LIMD1: variants seen among roughly 807,000 people sequenced by gnomAD.
LIMD1 encodes the protein LIM domain-containing protein 1.
LIMD1 carries 23 observed loss-of-function variants against 58.4 expected under a neutral mutation model. The ratio of observed to expected loss-of-function variants is 0.39; its 90% CI spans 0.28 to 0.56. The LOEUF is 0.56. LIMD1 is among the 20% of genes least tolerant of loss of function. The probability of loss-of-function intolerance (pLI) is 0.57; values close to 1 mark genes in which losing one functional copy is unlikely to be tolerated. For missense variants in LIMD1, 838 were observed against 855.5 expected, an observed-to-expected ratio of 0.98 and a Z score of 0.25; for synonymous variants, 334 against 345.5, an observed-to-expected ratio of 0.97 and a Z score of 0.37.
chr3:45,659,109 C>T (rs1480525546), intron 2 of LIMD1, among the ~76,000 whole-genome samples: 1 of 152,130 alleles, frequency 6.6e-6, no homozygotes, highest in Non-Finnish European at 1.5e-5. Flanking sequence ...CTAATACCAT[C>T]TGTCACTGTA....
At chr3:45,644,562 A>C (rs1173778143) in intron 2 of LIMD1, among the ~76,000 whole-genome samples, 1 of 152,090 alleles carries the variant, frequency 6.6e-6, no homozygotes, top group African/African-American at 2.4e-5. Flanking sequence ...AGGGAGTTCA[A>C]CGTTCATTAT....
intron 1 of LIMD1, among the ~76,000 whole-genome samples, chr3:45,619,054 C>G (rs960874441): frequency 2.6e-5 from 4 of 152,196 alleles, no homozygotes; most frequent in African/African-American, 9.7e-5. Context: ...AAAAACTATA[C>G]TCTCTAGAAA....
chr3:45,600,214 A>G (rs943241831), intron 1 of LIMD1, among the ~76,000 whole-genome samples: 5 of 152,182 alleles, frequency 3.3e-5, no homozygotes, highest in Non-Finnish European at 5.9e-5. Context: ...ACAACTCCCC[A>G]TGAGAGGTGA....
chr3:45,646,029 CAAA>C (rs35353411), intron 2 of LIMD1, among the ~76,000 whole-genome samples: 3 of 96,836 alleles, frequency 3.1e-5, no homozygotes, highest in Non-Finnish European at 4.0e-5. Flanking sequence ...GACTCTGTCT[CAAA>C]AAAAAAAAAA....
intron 2 of LIMD1, among the ~76,000 whole-genome samples, chr3:45,658,535 CTTTTTTTTTTTTTT>C (rs10572210): frequency 4.7e-4 from 21 of 44,754 alleles, no homozygotes; most frequent in South Asian, 1.5e-3. Context: ...CATGCAGATT[CTTTTTTTTTTTTTT>C]TTTTTTTTTT....
At chr3:45,641,746 T>C (rs1399994333) in intron 2 of LIMD1, among the ~76,000 whole-genome samples, 1 of 152,158 alleles carries the variant, frequency 6.6e-6, no homozygotes. Flanking sequence ...ACACAAAGAA[T>C]GTGTCAAAGG....
chr3:45,634,176 A>T (rs865790862), intron 1 of LIMD1, among the ~76,000 whole-genome samples: 9 of 152,378 alleles, frequency 5.9e-5, no homozygotes, highest in Middle Eastern at 6.8e-3. Flanking sequence ...AAAAAACTAC[A>T]GAAAATGTAA....
intron 1 of LIMD1, among the ~76,000 whole-genome samples, chr3:45,635,581 G>A (rs556992609): frequency 8.6e-5 from 13 of 151,764 alleles, no homozygotes; most frequent in Non-Finnish European, 7.4e-5. Context: ...GGTTCCCACT[G>A]AAAATTAAAG....
intron 1 of LIMD1, among the ~76,000 whole-genome samples, chr3:45,604,800 G>A (rs1055517216): frequency 2.0e-5 from 3 of 152,146 alleles, no homozygotes; most frequent in Non-Finnish European, 4.4e-5. Flanking sequence ...TGCCTGTCCC[G>A]TCATGCTTTC....
chr3:45,668,392 A>C, intron 4 of LIMD1, 36 bp downstream of exon 4: 51 of 1,467,432 alleles, frequency 3.5e-5, no homozygotes, highest in Non-Finnish European at 4.5e-5. Flanking sequence ...ACAGCATCTC[A>C]GGTGGAGGAG....
chr3:45,594,801 A>ACACACACACACAC lies in LIMD1; in HGVS notation c.-78_-66dup, dbSNP rs1559510597. ...TCAACACACACACACACACACACACACACACACACACACACACACACACAC... is the reference window on the plus strand; with the variant it reads ...TCAACACACACACACACACACACACACACACACACACACCACACACACACACACACACACACAC... On this transcript the variant is annotated 5_prime_UTR_variant, in exon 1 of 8. Transcript: ENST00000273317. 16 of 172,246 alleles carry ACACACACACACAC rather than the reference A, an allele frequency of 9.3e-5. No individual in the cohort carries two copies. The East Asian group carries it at 1.0e-3, about 11-fold the overall frequency. The allele number at this position is 172,246 out of a possible 1,614,324, so 10.7% of individuals were successfully genotyped here.
At chr3:45,620,215 C>A (rs368921572) in intron 1 of LIMD1, among the ~76,000 whole-genome samples, 2 of 152,032 alleles carry the variant, frequency 1.3e-5, no homozygotes, top group East Asian at 3.9e-4. Context: ...TGATTTTGAG[C>A]CTTTTCACAA....
At chr3:45,676,123 TC>T (rs1697666669) in intron 7 of LIMD1, among the ~76,000 whole-genome samples, 1 of 152,034 alleles carries the variant, frequency 6.6e-6, no homozygotes, top group South Asian at 2.1e-4. Context: ...GCGTGCATAA[TC>T]CCAGCTACTT....
At chr3:45,643,903 G>A (rs553979188) in intron 2 of LIMD1, among the ~76,000 whole-genome samples, 18 of 151,908 alleles carry the variant, frequency 1.2e-4, no homozygotes, top group Non-Finnish European at 2.4e-4. Context: ...TGTATTGCTC[G>A]GTGTAAGATG....
intron 1 of LIMD1, among the ~76,000 whole-genome samples, chr3:45,602,368 C>G (rs1559512743): frequency 6.6e-6 from 1 of 152,162 alleles, no homozygotes; most frequent in Non-Finnish European, 1.5e-5. Flanking sequence ...ATTCTGCTCG[C>G]TGTTAGGACC....
chr3:45,681,158 T>A lies in LIMD1; in HGVS notation c.*4099T>A, dbSNP rs1332697597. 1 of 152,224 alleles carries A rather than the reference T, an allele frequency of 6.6e-6. No homozygotes were observed. The highest frequency in any genetic ancestry group is 1.5e-5 in the Non-Finnish European group (1 of 68,030). The allele number at this position is 152,224 out of a possible 1,614,324, so 9.4% of individuals were successfully genotyped here. A position where few individuals can be genotyped will look rare whatever the true frequency, so the allele number is the denominator to read the frequency against. On this transcript the variant is annotated 3_prime_UTR_variant, in exon 8 of 8. Transcript: ENST00000273317. ...AATTATTTTCCTCTGTGTCTTTTCT[T>A]TTACTATAAAGTGATTCAGAATTTT... is the stretch of plus-strand genomic sequence containing the variant.
At position 45,594,839 on chromosome 3, in the gene LIMD1, A is replaced by G; in HGVS notation, c.-41A>G. ...CACACACACACACACACACACACAC[A>G]CACACGGCACCTGGGCTAGGCCCGG... is the stretch of plus-strand genomic sequence containing the variant. On this transcript the variant is annotated 5_prime_UTR_variant, in exon 1 of 8. Transcript: ENST00000273317. The G allele has an allele frequency of 2.4e-6, 3 of 1,244,662 alleles. No individual in the cohort carries two copies. The South Asian group carries it at 4.1e-5, about 17-fold the overall frequency. The allele number at this position is 1,244,662 out of a possible 1,614,324, so 77.1% of individuals were successfully genotyped here.
At chr3:45,673,780 G>A (rs1697628914) in intron 6 of LIMD1, 1 of 485,738 alleles carries the variant, frequency 2.1e-6, no homozygotes, top group Non-Finnish European at 3.7e-6. Context: ...GCCAAGTGTG[G>A]TGGCATGTGC....
chr3:45,675,463 A>T (rs1457889583), intron 7 of LIMD1, among the ~76,000 whole-genome samples: 2 of 152,134 alleles, frequency 1.3e-5, no homozygotes, highest in African/African-American at 4.8e-5. Flanking sequence ...TGGGAAGTGG[A>T]GGTTGCAGTG....
Sources: allele counts gnomAD v4.1 joint callset (sites outside exome capture counted in the v4.1 genomes callset), GRCh38; gene constraint gnomAD v4.1.1; transcripts MANE v1.5; gene names NCBI Gene and HGNC (gene_info 2026-07-23, HGNC 2026-07-21).